The following TBXAS1 variants were observed in gnomAD, a reference collection of about 807,000 sequenced individuals.
TBXAS1 encodes thromboxane-A synthase.
TBXAS1 carries 48 observed loss-of-function variants against 60.7 expected under a neutral mutation model. The observed-to-expected ratio is 0.79, with a 90% CI of 0.63 to 1.01. The LOEUF is 1.01. TBXAS1 is among the 50% of genes least tolerant of loss of function. TBXAS1 has a pLI of 0.00. For synonymous variants in TBXAS1, 287 were observed against 269.7 expected, an observed-to-expected ratio of 1.06 and a Z score of -0.63; for missense variants, 685 against 686.3, an observed-to-expected ratio of 1.00 and a Z score of 0.02.
Position 139,805,740 on chromosome 7 carries a change from T to C in TBXAS1, c.-80+18314T>C, listed in dbSNP as rs1328601582. Among the ~76,000 whole-genome samples, 308 of 127,970 alleles carry C rather than the reference T, an allele frequency of 2.4e-3. 3 individuals carry two copies. Among genetic ancestry groups the C allele is most frequent in the African/African-American group, 7.2e-3 (237 of 33,066 alleles). The allele number at this position is 127,970 out of a possible 152,430, so 84.0% of individuals were successfully genotyped here. On this transcript the variant is annotated intron_variant, in intron 4 of 16. Coordinates refer to the TBXAS1 transcript ENST00000336425. Reference sequence around the variant, plus strand: ...TCTCTCTCTCTCTCTCTTTCTTTCTTTCTTTCTTTCTTTCTTGTCTTTCTT... The same window carrying C: ...TCTCTCTCTCTCTCTCTTTCTTTCTCTCTTTCTTTCTTTCTTGTCTTTCTT...
intron 1 of TBXAS1, among the ~76,000 whole-genome samples, chr7:139,862,806 CATTAGT>C (rs1253518687): frequency 6.6e-6 from 1 of 151,036 alleles, no homozygotes; most frequent in African/African-American, 2.5e-5. Flanking sequence ...ATCATCAGTT[CATTAGT>C]ATATGTTATT....
At chr7:139,794,530 ATACTTT>A (rs1797492902) in intron 4 of TBXAS1, among the ~76,000 whole-genome samples, 1 of 145,466 alleles carries the variant, frequency 6.9e-6, no homozygotes, top group South Asian at 2.1e-4. Context: ...TTTTTTTATT[ATACTTT>A]AAGTTTTAAG....
chr7:139,996,125 T>C (rs1007227728), intron 9 of TBXAS1, among the ~76,000 whole-genome samples: 2 of 151,780 alleles, frequency 1.3e-5, no homozygotes, highest in African/African-American at 4.8e-5. Context: ...CACACCACCA[T>C]GTCTGGCATT....
chr7:139,999,397 G>A lies in TBXAS1; in HGVS notation c.1135-7694G>A, dbSNP rs376824036. Among the ~76,000 whole-genome samples, 12 of 152,182 alleles carry A rather than the reference G, an allele frequency of 7.9e-5. 1 individual carries two copies. In the South Asian group the frequency reaches 8.3e-4, roughly 11 times the overall value. ...TAACTACGTGGGCATGGTGGTGAGC[G>A]CCTGTAATTCCAGCTACTTGGGAGG... On this transcript the variant is annotated intron_variant, in intron 9 of 12. Coordinates refer to ENST00000448866, the MANE Select transcript of TBXAS1 (RefSeq NM_001061.7). The surrounding 1 kb of genome is among the most constrained non-coding windows in gnomAD (Gnocchi z 4.3).
At chr7:139,913,901 T>A (rs1231978993) in intron 4 of TBXAS1, 2 of 152,962 alleles carry the variant, frequency 1.3e-5, no homozygotes, top group African/African-American at 4.8e-5. Flanking sequence ...CTCCAGCCTC[T>A]CCCTGCTCAC....
intron 9 of TBXAS1, among the ~76,000 whole-genome samples, chr7:139,978,267 G>A (rs778608309): frequency 2.0e-5 from 3 of 152,166 alleles, no homozygotes; most frequent in Non-Finnish European, 4.4e-5. Context: ...CCAGCACTTT[G>A]GGAGGCAGAG....
chr7:139,979,727 C>CAATAATAATAAT (rs58553105), intron 9 of TBXAS1, among the ~76,000 whole-genome samples: 65 of 139,740 alleles, frequency 4.7e-4, no homozygotes, highest in Non-Finnish European at 6.3e-4. Context: ...GATTCCATCT[C>CAATAATAATAAT]AATAATAATA....
At chr7:140,009,586 TCCC>T (rs1334988259) in intron 10 of TBXAS1, among the ~76,000 whole-genome samples, 1 of 50,610 alleles carries the variant, frequency 2.0e-5, no homozygotes, top group Admixed American at 2.2e-4. Flanking sequence ...CCCCACACCT[TCCC>T]CACACCCACC....
intron 4 of TBXAS1, among the ~76,000 whole-genome samples, chr7:139,931,233 T>G (rs900227954): frequency 2.6e-5 from 4 of 152,194 alleles, no homozygotes; most frequent in Non-Finnish European, 5.9e-5. Flanking sequence ...TAAATGCTGG[T>G]TGCCACTCAT....
chr7:139,820,102 C>G (rs1798256715), intron 4 of TBXAS1, among the ~76,000 whole-genome samples: 1 of 152,026 alleles, frequency 6.6e-6, no homozygotes, highest in Admixed American at 6.6e-5. Context: ...CACTCTCACT[C>G]CCAGTGACTA....
chr7:139,960,796 G>A (rs1219007410), intron 8 of TBXAS1, among the ~76,000 whole-genome samples: 2 of 151,728 alleles, frequency 1.3e-5, no homozygotes, highest in Non-Finnish European at 2.9e-5. Context: ...TAATGCAATC[G>A]AAATTCAGAA....
intron 3 of TBXAS1, among the ~76,000 whole-genome samples, chr7:139,892,572 G>A (rs1317546731): frequency 6.6e-6 from 1 of 152,074 alleles, no homozygotes; most frequent in Non-Finnish European, 1.5e-5. Context: ...CAGCCTGGGC[G>A]ACAGAGTGAG....
chr7:139,824,829 CTTTTTTT>C (rs1192880390), upstream of TBXAS1, among the ~76,000 whole-genome samples: 1 of 38,862 alleles, frequency 2.6e-5, no homozygotes, highest in Non-Finnish European at 5.0e-5. Context: ...TTTTCCTTTT[CTTTTTTT>C]TTTTTTTTTT....
chr7:139,889,280 G>C (rs1291060087), intron 3 of TBXAS1, among the ~76,000 whole-genome samples: 1 of 151,218 alleles, frequency 6.6e-6, no homozygotes, highest in African/African-American at 2.4e-5. Context: ...GCTGCAGTGA[G>C]CTGAGATCAT....
intron 3 of TBXAS1, among the ~76,000 whole-genome samples, chr7:139,895,016 G>C (rs76248677): frequency 0.021 from 3,153 of 152,282 alleles, 104 homozygotes; most frequent in African/African-American, 0.07. Flanking sequence ...ACAAGAGAAG[G>C]ACAGGACACC....
At position 139,941,697 on chromosome 7, in the gene TBXAS1, G is replaced by A. The variant is rs116000601; in HGVS notation, c.450+5390G>A. On this transcript the variant is annotated intron_variant, in intron 5 of 12. Transcript: ENST00000448866. ...TCACTCCATCCCCCGAAGAATTGAC[G>A]TTTTAAAAAGCACAACTGTAGATTT... Among the ~76,000 whole-genome samples the A allele has an allele frequency of 7.6e-3, 1,152 of 152,264 alleles. 19 individuals are homozygous for A. Among genetic ancestry groups the A allele is most frequent in the African/African-American group, 0.026 (1,097 of 41,552 alleles).
intron 3 of TBXAS1, among the ~76,000 whole-genome samples, chr7:139,880,730 G>A (rs561945797): frequency 6.6e-6 from 1 of 152,242 alleles, no homozygotes; most frequent in South Asian, 2.1e-4. Context: ...GTTCTCAATT[G>A]ATAAACATCT....
intron 9 of TBXAS1, among the ~76,000 whole-genome samples, chr7:139,972,330 G>A (rs1372743038): frequency 6.6e-6 from 1 of 152,208 alleles, no homozygotes; most frequent in Non-Finnish European, 1.5e-5. Flanking sequence ...AGCTTGTGGG[G>A]TTGGTTCACA....
intron 9 of TBXAS1, among the ~76,000 whole-genome samples, chr7:139,981,132 C>A (rs1047005196): frequency 6.6e-6 from 1 of 152,124 alleles, no homozygotes; most frequent in East Asian, 1.9e-4. Flanking sequence ...TTTTGAGACA[C>A]AGTCTTGCTC....
Sources: gnomAD v4.1 joint callset for allele counts (sites outside exome capture counted in the v4.1 genomes callset) on GRCh38, gnomAD v4.1.1 for gene constraint, Gnocchi (gnomAD v3.1) non-coding constraint, MANE v1.5 for transcripts, NCBI Gene and HGNC (gene_info 2026-07-23, HGNC 2026-07-21) for gene names.